The following PRSS23 variants were observed in gnomAD, a reference collection of about 807,000 sequenced individuals.
The protein encoded by PRSS23 is protease, serine 23.
In PRSS23, 25 loss-of-function variants were observed where a neutral mutation model predicts 34.7. That is an observed-to-expected ratio of 0.72 (90% CI 0.53 to 1.01). The LOEUF is 1.01. Ranked by LOEUF, PRSS23 falls within the 50% of genes least tolerant of loss-of-function variation. PRSS23 has a pLI of 0.00. For missense variants in PRSS23, 445 were observed against 475.6 expected (o/e 0.94, Z 0.60); for synonymous variants, 176 against 186.6 (o/e 0.94, Z 0.46).
At chr11:86,833,324 T>A in intron 2 of PRSS23, 1 of 1,176,860 alleles carries the variant, frequency 8.5e-7, no homozygotes, top group Non-Finnish European at 1.3e-6. Flanking sequence ...ACGGCCAGGA[T>A]AATGAGCAGA....
chr11:86,834,992 G>A lies in PRSS23; in HGVS notation c.206+11399G>A, dbSNP rs1454814984. 3.9e-5 allele frequency among the ~76,000 whole-genome samples: 6 copies of A among 152,240 alleles called. No homozygotes were observed. In the South Asian group the frequency reaches 8.3e-4, roughly 21 times the overall value. Reference sequence around the variant, plus strand: ...AAGTTGAGGTGGGGATCAGTCAAGGGAACCTCTAAATGGTCCCCTCAAGTG... The same window carrying A: ...AAGTTGAGGTGGGGATCAGTCAAGGAAACCTCTAAATGGTCCCCTCAAGTG... On this transcript the variant is annotated intron_variant, in intron 2 of 2. Transcript: ENST00000533902.
In PRSS23 at chr11:86,808,797, A is replaced by G. The variant is rs767479185; in HGVS notation, c.*2A>G. On this transcript the variant is annotated 3_prime_UTR_variant, in exon 2 of 2. Coordinates refer to ENST00000280258, the MANE Select transcript of PRSS23 (RefSeq NM_007173.6). ...TACCTGGATTGTAGGGAGGGGTGAC[A>G]CAGTGTTCCCTCCTGGCAGCAATTA... The G allele has an allele frequency of 7.5e-5, 120 of 1,599,174 alleles. No homozygotes were observed. The Admixed American group carries it at 2.0e-3, about 27-fold the overall frequency.
chr11:86,900,777 C>CTG (rs58736771), intron 2 of PRSS23, among the ~76,000 whole-genome samples: 14,102 of 105,500 alleles, frequency 0.13, 966 homozygotes, highest in African/African-American at 0.25. Context: ...TATTATCTCT[C>CTG]TCTCTTTTTT....
At chr11:86,907,467 A>G (rs1948950956) in intron 2 of PRSS23, among the ~76,000 whole-genome samples, 2 of 134,028 alleles carry the variant, frequency 1.5e-5, no homozygotes, top group Non-Finnish European at 3.5e-5. Context: ...TCCTCTTAAC[A>G]ATTTTTTGTG....
chr11:86,851,914 G>C (rs539324745), intron 2 of PRSS23, among the ~76,000 whole-genome samples: 2 of 152,100 alleles, frequency 1.3e-5, no homozygotes, highest in South Asian at 4.2e-4. Flanking sequence ...ACCATTGGTG[G>C]GGGGGAAGCA....
intron 2 of PRSS23, among the ~76,000 whole-genome samples, chr11:86,880,859 GA>G (rs1948768119): frequency 6.6e-6 from 1 of 152,116 alleles, no homozygotes; most frequent in Non-Finnish European, 1.5e-5. Flanking sequence ...GTATTATATG[GA>G]AAAATACTCT....
At chr11:86,949,089 C>T (rs903635751) in intron 2 of PRSS23, 12 of 152,218 alleles carry the variant, frequency 7.9e-5, no homozygotes, top group African/African-American at 2.9e-4. Flanking sequence ...AATTCTCATG[C>T]TCCTGGAGCC....
intron 2 of PRSS23, among the ~76,000 whole-genome samples, chr11:86,829,248 C>T (rs920096009): frequency 2.0e-5 from 3 of 152,152 alleles, no homozygotes; most frequent in African/African-American, 7.2e-5. Context: ...TTCATTTCAT[C>T]TTCCATCACT....
intron 2 of PRSS23, among the ~76,000 whole-genome samples, chr11:86,902,576 T>C (rs1590921289): frequency 1.3e-5 from 2 of 152,196 alleles, no homozygotes; most frequent in African/African-American, 4.8e-5. Context: ...CTAACAGGCA[T>C]GATATCATAC....
At chr11:86,796,264 A>G (rs1947979627), upstream of PRSS23, among the ~76,000 whole-genome samples, 1 of 152,206 alleles carries the variant, frequency 6.6e-6, no homozygotes, top group South Asian at 2.1e-4. Context: ...GTAGTATGGC[A>G]CCGAGTAGAC....
intron 2 of PRSS23, among the ~76,000 whole-genome samples, chr11:86,891,459 T>C (rs549984581): frequency 3.1e-4 from 47 of 152,310 alleles, no homozygotes; most frequent in African/African-American, 1.0e-3. Flanking sequence ...CCTGTGCCTG[T>C]TGAAAGCTCC....
At chr11:86,850,554 T>C (rs984037296) in intron 2 of PRSS23, among the ~76,000 whole-genome samples, 1 of 152,178 alleles carries the variant, frequency 6.6e-6, no homozygotes, top group Non-Finnish European at 1.5e-5. Flanking sequence ...CTTAAAATAT[T>C]CCTAACACCA....
chr11:86,949,413 A>AG (rs1336980561), intron 2 of PRSS23: 1 of 151,986 alleles, frequency 6.6e-6, no homozygotes, highest in Admixed American at 6.5e-5. Flanking sequence ...ATTGAAAAAA[A>AG]AAAAAAGAAA....
At chr11:86,936,336 C>T (rs1249440256) in intron 2 of PRSS23, 1 of 152,322 alleles carries the variant, frequency 6.6e-6, no homozygotes, top group Non-Finnish European at 1.5e-5. Context: ...GGCACAATCT[C>T]AGCTCACCAC....
chr11:86,824,944 G>T (rs897326613), intron 2 of PRSS23, among the ~76,000 whole-genome samples: 1 of 152,102 alleles, frequency 6.6e-6, no homozygotes, highest in African/African-American at 2.4e-5. Context: ...AAACATACCT[G>T]TGTATGTGTC....
At chr11:86,846,931 G>T (rs1474939784) in intron 2 of PRSS23, among the ~76,000 whole-genome samples, 1 of 152,180 alleles carries the variant, frequency 6.6e-6, no homozygotes, top group East Asian at 1.9e-4. Context: ...GAAGCCTTAG[G>T]GCATTTCCTC....
At chr11:86,896,503 C>T (rs529134525) in intron 2 of PRSS23, 1 of 152,338 alleles carries the variant, frequency 6.6e-6, no homozygotes, top group South Asian at 2.1e-4. Flanking sequence ...CATACAAGCT[C>T]TCTTTCAGCA....
At chr11:86,794,274 G>T (rs1472384283) in intron 1 of PRSS23, among the ~76,000 whole-genome samples, 1 of 152,096 alleles carries the variant, frequency 6.6e-6, no homozygotes, top group African/African-American at 2.4e-5. Context: ...ATAAGATCCA[G>T]TATGCAAGTT....
At chr11:86,848,360 G>C (rs1434905242) in intron 2 of PRSS23, among the ~76,000 whole-genome samples, 1 of 152,166 alleles carries the variant, frequency 6.6e-6, no homozygotes, top group Non-Finnish European at 1.5e-5. Flanking sequence ...TGGAGGAGAG[G>C]GAAAAATTGC....
Sources: gnomAD v4.1 joint callset for allele counts (sites outside exome capture counted in the v4.1 genomes callset) on GRCh38, gnomAD v4.1.1 for gene constraint, MANE v1.5 for transcripts, NCBI Gene and HGNC (gene_info 2026-07-23, HGNC 2026-07-21) for gene names.